APBA3: variants seen among roughly 807,000 people sequenced by gnomAD.
APBA3 encodes the protein amyloid-beta A4 precursor protein-binding family A member 3.
APBA3 carries 45 observed loss-of-function variants against 55.9 expected under a neutral mutation model. That is an observed-to-expected ratio of 0.80 (90% CI 0.63 to 1.03). APBA3 has a LOEUF of 1.03. Ranked by LOEUF, APBA3 falls within the 50% of genes least tolerant of loss-of-function variation. The pLI, the probability that APBA3 is intolerant of heterozygous loss-of-function variation, is 0.00. For missense variants in APBA3, 865 were observed against 820.3 expected, an observed-to-expected ratio of 1.05 and a Z score of -0.67; for synonymous variants, 370 against 353.3, an observed-to-expected ratio of 1.05 and a Z score of -0.53.
chr19:3,760,278 G>A lies in APBA3; in HGVS notation c.-14C>T. 6.3e-7 allele frequency: 1 copy of A among 1,576,252 alleles called. No individual in the cohort carries two copies. The highest frequency in any genetic ancestry group is 8.5e-7 in the Non-Finnish European group (1 of 1,170,794). ...GGGGAAGTCCATGCCTGGACTCCAG[G>A]CTTAGGCCGGCATCTTCAGGCAGCT... On this transcript the variant is annotated 5_prime_UTR_variant, in exon 2 of 11. Transcript: ENST00000316757.
At chr19:3,757,534 C>T (rs2037092944) in intron 3 of APBA3, among the ~76,000 whole-genome samples, 1 of 152,100 alleles carries the variant, frequency 6.6e-6, no homozygotes, top group South Asian at 2.1e-4. Flanking sequence ...GAGTTTGAGA[C>T]CAGCCTGACC....
In APBA3 at chr19:3,760,136, G is replaced by A. The variant is rs774052643; in HGVS notation, c.129C>T (p.Gly43=). The change falls in exon 2 of 11, where the codon GGC becomes GGT. Residue 43 remains glycine, a synonymous_variant. Transcript: ENST00000316757. ...GTTCCATCCGACTGAGGCTGCCGGGGCCTCCTGGCATAGGGTCCCACTGGC... is the reference window on the plus strand; with the variant it reads ...GTTCCATCCGACTGAGGCTGCCGGGACCTCCTGGCATAGGGTCCCACTGGC... ...PDSQWDPMPG[G]PGSLSRMELD... is the part of the protein sequence containing the mutation. 3 of 1,613,326 alleles carry A rather than the reference G, an allele frequency of 1.9e-6. No individual in the cohort carries two copies. Among genetic ancestry groups the A allele is most frequent in the Non-Finnish European group, 2.5e-6 (3 of 1,180,034 alleles).
Position 3,753,005 on chromosome 19 carries a change from G to C in APBA3, c.1012-15C>G. On this transcript the variant is annotated splice_polypyrimidine_tract_variant and intron_variant, in intron 6 of 10. Coordinates refer to ENST00000316757, the MANE Select transcript of APBA3 (RefSeq NM_004886.4). Reference sequence around the variant, plus strand: ...ATGAGCTGGGCCTGCGGGGAGGAGTGGCGCGTCCCTGGGGTGTCCCACCCA... The same window carrying C: ...ATGAGCTGGGCCTGCGGGGAGGAGTCGCGCGTCCCTGGGGTGTCCCACCCA... 1 of 1,608,454 alleles carries C rather than the reference G, an allele frequency of 6.2e-7. No individual in the cohort carries two copies. The highest frequency in any genetic ancestry group is 8.5e-7 in the Non-Finnish European group (1 of 1,179,636).
chr19:3,758,647 A>C (rs1263350741), intron 3 of APBA3, among the ~76,000 whole-genome samples: 7 of 152,128 alleles, frequency 4.6e-5, no homozygotes, highest in African/African-American at 1.4e-4. Context: ...TAGGAGGCCA[A>C]GGCGGGCGGA....
chr19:3,751,083 C>T lies in APBA3; in HGVS notation c.1671G>A (p.Thr557=), dbSNP rs767852740. The T allele has an allele frequency of 1.9e-6, 3 of 1,567,642 alleles. No homozygotes were observed. The highest frequency in any genetic ancestry group is 1.7e-6 in the Non-Finnish European group (2 of 1,155,850). Residue 557 remains threonine (T), a synonymous_variant, in exon 11 of 11, where the codon ACG becomes ACA. Transcript: ENST00000316757. ...GGAGGCGATATGTGGCAGCTGGCAT[C>T]GTCTTGATATGCACCTGGGGAGTGG... ...TEAYGEVHIK[T]MPAATYRLLT...
chr19:3,756,898 T>C (rs1426125656), intron 3 of APBA3, among the ~76,000 whole-genome samples: 2 of 152,206 alleles, frequency 1.3e-5, no homozygotes, highest in Admixed American at 6.5e-5. Flanking sequence ...TAGATAACTA[T>C]TCCCTCCATG....
intron 8 of APBA3, 32 bp downstream of exon 8, chr19:3,752,476 G>A (rs1212123521): frequency 6.5e-7 from 1 of 1,527,498 alleles, no homozygotes; most frequent in East Asian, 2.4e-5. Context: ...CTTCCTGGGA[G>A]TGTGGGGGCC....
intron 4 of APBA3, 29 bp downstream of exon 4, chr19:3,754,166 T>C: frequency 6.5e-7 from 1 of 1,545,588 alleles, no homozygotes; most frequent in Non-Finnish European, 8.7e-7. Context: ...CCCACCCGCC[T>C]GCCCGCCCGG....
rs1026522729 is a variant in APBA3, at chr19:3,753,358, G to C, written c.1012-368C>G. On this transcript the variant is annotated intron_variant, in intron 6 of 10. Transcript: ENST00000316757. The stretch of plus-strand genomic sequence containing the variant: ...CGGCCGAGAGTCTTGGAGTCTTATA[G>C]GAGGCTGGACGCGGTGGCTCACGCC... 5 of 392,218 alleles carry C rather than the reference G, an allele frequency of 1.3e-5. No homozygotes were observed. The South Asian group carries it at 1.7e-4, about 13-fold the overall frequency. The allele number at this position is 392,218 out of a possible 1,614,324, so 24.3% of individuals were successfully genotyped here. A position where few individuals can be genotyped will look rare whatever the true frequency, so the allele number is the denominator to read the frequency against.
chr19:3,753,046 C>T, intron 6 of APBA3, 56 bp from the exon 7 acceptor site: 2 of 1,586,584 alleles, frequency 1.3e-6, no homozygotes, highest in Non-Finnish European at 1.7e-6. Flanking sequence ...TCCAGGTCCC[C>T]AAAGTCCCCA....
chr19:3,752,553 G>A lies in APBA3; in HGVS notation c.1350C>T (p.Thr450=). 1 of 1,589,748 alleles carries A rather than the reference G, an allele frequency of 6.3e-7. No homozygotes were observed. The highest frequency in any genetic ancestry group is 8.5e-7 in the Non-Finnish European group (1 of 1,172,968). The change falls in exon 8 of 11, where the codon ACC becomes ACT. Residue 450 remains threonine, a synonymous_variant. Transcript: ENST00000316757. ...CAGCCAGGGGCAGCCCCACCAGGCTGGTCCCGTTGATGGCGGTCAGGCGGT... is the reference window on the plus strand; with the variant it reads ...CAGCCAGGGGCAGCCCCACCAGGCTAGTCCCGTTGATGGCGGTCAGGCGGT... ...IGDRLTAING[T]SLVGLPLAAC... is the part of the protein sequence containing the mutation.
rs749088363 is a variant in APBA3 at position 3,754,217 on chromosome 19, C to A, written c.740G>T (p.Arg247Leu). 6.5e-7 allele frequency: 1 copy of A among 1,539,912 alleles called. No homozygotes were observed. The highest frequency in any genetic ancestry group is 8.7e-7 in the Non-Finnish European group (1 of 1,142,936). Residue 247 changes from arginine (R) to leucine (L), a missense_variant, in exon 4 of 11, where the codon CGG becomes CTG. By Grantham distance (102) the Arg-to-Leu change is moderately radical (BLOSUM62 -2). Transcript: ENST00000316757. ...PPTSTRMAQA[R>L]EAMDRVKAPD... ...CACCTTGACGCGGTCCATGGCCTCCCGGGCCTGGGCCATGCGCGTGCTGGT... is the reference window on the plus strand; with the variant it reads ...CACCTTGACGCGGTCCATGGCCTCCAGGGCCTGGGCCATGCGCGTGCTGGT...
intron 3 of APBA3, among the ~76,000 whole-genome samples, chr19:3,757,000 C>A (rs1168154137): frequency 6.6e-6 from 1 of 152,188 alleles, no homozygotes; most frequent in Non-Finnish European, 1.5e-5. Flanking sequence ...ACCCTAGAAA[C>A]AGACAAAATG....
At chr19:3,760,905 C>A (rs1365706957) in intron 1 of APBA3, among the ~76,000 whole-genome samples, 1 of 151,866 alleles carries the variant, frequency 6.6e-6, no homozygotes, top group Non-Finnish European at 1.5e-5. Context: ...AGAGTGAGGC[C>A]CTGTCTTAAA....
At position 3,760,007 on chromosome 19, in the gene APBA3, G is replaced by A. The variant is rs1036767917; in HGVS notation, c.258C>T (p.Ala86=). The A allele has an allele frequency of 3.7e-6, 6 of 1,612,076 alleles. No individual in the cohort carries two copies. The highest frequency in any genetic ancestry group is 5.1e-6 in the Non-Finnish European group (6 of 1,179,604). ...CCTGGGAGGCCAGGCCATGGCCTGT[G>A]GCAATGTGTAGGGGACAGGGGGCTC... The part of the protein sequence containing the change: ...PGGAPCPLHI[A]TGHGLASQEI... The change falls in exon 2 of 11, where the codon GCC becomes GCT. Residue 86 remains alanine, a synonymous_variant. Coordinates refer to ENST00000316757, the MANE Select transcript of APBA3 (RefSeq NM_004886.4).
Position 3,760,252 on chromosome 19 carries a change from T to C in APBA3, c.13A>G (p.Thr5Ala). 6.2e-7 allele frequency: 1 copy of C among 1,600,664 alleles called. No individual in the cohort carries two copies. The highest frequency in any genetic ancestry group is 2.2e-5 in the East Asian group (1 of 44,836). Residue 5 changes from threonine to alanine, a missense_variant, in exon 2 of 11, where the codon ACA becomes GCA. By Grantham distance (58) the Thr-to-Ala change is moderately conservative (BLOSUM62 0). Transcript: ENST00000316757. MDFP[T>A]ISRSPSGPPA... Reference sequence around the variant, plus strand: ...GGCCCCGAAGGGGATCGGGAAATTGTGGGGAAGTCCATGCCTGGACTCCAG... The same window carrying C: ...GGCCCCGAAGGGGATCGGGAAATTGCGGGGAAGTCCATGCCTGGACTCCAG...
At chr19:3,754,415 G>A in intron 3 of APBA3, 75 bp from the exon 4 acceptor site, 14 of 1,498,458 alleles carry the variant, frequency 9.3e-6, no homozygotes, top group Admixed American at 5.4e-5. Flanking sequence ...TACGCTCTCC[G>A]AGATGGCCGG....
chr19:3,751,812 C>T (rs760892712), intron 8 of APBA3: 13 of 519,602 alleles, frequency 2.5e-5, no homozygotes, highest in Non-Finnish European at 4.0e-5. Flanking sequence ...AGGCTGCAAA[C>T]ATCTGTAAGA....
At chr19:3,760,327 G>A (rs2037130421) in intron 1 of APBA3, 26 bp from the exon 2 acceptor site, 1 of 1,449,734 alleles carries the variant, frequency 6.9e-7, no homozygotes, top group Admixed American at 2.6e-5. Flanking sequence ...TCAGCACTGA[G>A]GTTTCGCCCG....
Sources: allele counts gnomAD v4.1 joint callset (sites outside exome capture counted in the v4.1 genomes callset), GRCh38; gene constraint gnomAD v4.1.1; transcripts MANE v1.5; gene names NCBI Gene and HGNC (gene_info 2026-07-23, HGNC 2026-07-21).